Variants in RRAS2 observed in about 807,000 individuals in gnomAD.
RRAS2 encodes the protein RAS related 2.
In RRAS2, 7 loss-of-function variants were observed where a neutral mutation model predicts 27.6. The observed-to-expected ratio is 0.25, with a 90% CI of 0.14 to 0.48. RRAS2 has a LOEUF of 0.48. RRAS2 is among the 20% of genes least tolerant of loss of function. RRAS2 has a pLI of 0.99. For missense variants in RRAS2, 178 were observed against 256.2 expected (o/e 0.69, Z 2.08); for synonymous variants, 86 against 90.9 (o/e 0.95, Z 0.31).
At chr11:14,353,329 C>T (rs1429075508) in intron 1 of RRAS2, among the ~76,000 whole-genome samples, 2 of 152,100 alleles carry the variant, frequency 1.3e-5, no homozygotes, top group Non-Finnish European at 2.9e-5. Flanking sequence ...AGTGCTCCCA[C>T]TCGGCCAGGC....
chr11:14,290,519 A>G (rs1554945680), intron 4 of RRAS2, among the ~76,000 whole-genome samples: 1 of 152,196 alleles, frequency 6.6e-6, no homozygotes, highest in African/African-American at 2.4e-5. Flanking sequence ...CAATTTCAAT[A>G]GCATGCCCCC....
At chr11:14,334,674 T>A (rs527633876) in intron 1 of RRAS2, among the ~76,000 whole-genome samples, 65 of 151,852 alleles carry the variant, frequency 4.3e-4, no homozygotes, top group Non-Finnish European at 7.9e-4. Flanking sequence ...CATATAAATA[T>A]CCTTCCCACC....
At chr11:14,352,612 T>C (rs1848979275) in intron 1 of RRAS2, among the ~76,000 whole-genome samples, 1 of 151,938 alleles carries the variant, frequency 6.6e-6, no homozygotes, top group Non-Finnish European at 1.5e-5. Context: ...TCACTTTTCA[T>C]TAAGGAAGGC....
chr11:14,356,060 C>T (rs1472128812), intron 1 of RRAS2, among the ~76,000 whole-genome samples: 1 of 152,198 alleles, frequency 6.6e-6, no homozygotes, highest in African/African-American at 2.4e-5. Flanking sequence ...AATTTCACAG[C>T]TATATGTGGT....
intron 4 of RRAS2, among the ~76,000 whole-genome samples, chr11:14,290,969 G>T (rs565510216): frequency 6.6e-6 from 1 of 152,322 alleles, no homozygotes; most frequent in South Asian, 2.1e-4. Flanking sequence ...ATCTGAAATA[G>T]AACAATTGCT....
At position 14,358,534 on chromosome 11, in the gene RRAS2, A is replaced by G. The variant is rs1849132331; in HGVS notation, c.108+229T>C. 1 of 985,340 alleles carries G rather than the reference A, an allele frequency of 1.0e-6. No homozygotes were observed. Among genetic ancestry groups the G allele is most frequent in the South Asian group, 4.7e-5 (1 of 21,240 alleles). The allele number at this position is 985,340 out of a possible 1,614,324, so 61.0% of individuals were successfully genotyped here. ...CTTCCAGCTCCGCCCTCCCGACCAC[A>G]TTCCTGAGAAGCCCTACTCCCGCGA... On this transcript the variant is annotated intron_variant, in intron 1 of 5. Transcript: ENST00000256196. This position sits in a 1 kb window ranked among gnomAD's most constrained non-coding sequence, Gnocchi z 5.1.
chr11:14,297,589 G>T (rs782413264), intron 1 of RRAS2, among the ~76,000 whole-genome samples: 2 of 151,782 alleles, frequency 1.3e-5, no homozygotes, highest in Non-Finnish European at 2.9e-5. Context: ...AGGTGAGACC[G>T]CATCTCCACG....
upstream of RRAS2, among the ~76,000 whole-genome samples, chr11:14,364,001 C>T (rs1463881882): frequency 1.3e-5 from 2 of 152,234 alleles, no homozygotes; most frequent in South Asian, 2.1e-4. Context: ...ACCCGGGAGG[C>T]GGAGGTTGCA....
intron 1 of RRAS2, among the ~76,000 whole-genome samples, chr11:14,300,865 A>G (rs1224263314): frequency 1.3e-5 from 2 of 152,142 alleles, no homozygotes; most frequent in African/African-American, 4.8e-5. Context: ...TCTGACACCA[A>G]GCTATTGGTG....
intron 4 of RRAS2, among the ~76,000 whole-genome samples, chr11:14,293,502 A>C (rs184597881): frequency 6.6e-6 from 1 of 152,086 alleles, no homozygotes; most frequent in African/African-American, 2.4e-5. Flanking sequence ...TGCAGTTCCC[A>C]TAACCCCCAC....
In RRAS2 at chr11:14,326,867, C is replaced by T. The variant is rs1262783581; in HGVS notation, c.109-31012G>A. 1.1e-4 allele frequency among the ~76,000 whole-genome samples: 2 copies of T among 18,938 alleles called. 1 individual carries two copies. Among genetic ancestry groups the T allele is most frequent in the Non-Finnish European group, 4.2e-4 (2 of 4,766 alleles). The allele number at this position is 18,938 out of a possible 152,430, so 12.4% of individuals were successfully genotyped here. A position where few individuals can be genotyped will look rare whatever the true frequency, so the allele number is the denominator to read the frequency against. ...CGAGGTCAGGAGATCGAGACCATCC[C>T]GGCTAAAACGGTGAAACCCCGTCTC... is the stretch of plus-strand genomic sequence containing the variant. On this transcript the variant is annotated intron_variant, in intron 1 of 5. Transcript: ENST00000256196.
At chr11:14,339,171 T>C (rs536948116) in intron 1 of RRAS2, among the ~76,000 whole-genome samples, 63 of 149,366 alleles carry the variant, frequency 4.2e-4, no homozygotes, top group African/African-American at 1.5e-3. Context: ...CCGGGCTCAG[T>C]GGCCCACACC....
At chr11:14,340,151 T>G (rs1235551780) in intron 1 of RRAS2, among the ~76,000 whole-genome samples, 1 of 134,450 alleles carries the variant, frequency 7.4e-6, no homozygotes, top group African/African-American at 2.6e-5. Flanking sequence ...CAGGCTGGAG[T>G]GTAGTGGCGC....
chr11:14,279,311 C>T lies in RRAS2; in HGVS notation c.*26G>A, dbSNP rs201766348. On this transcript the variant is annotated 3_prime_UTR_variant, in exon 6 of 6. Transcript: ENST00000256196. ...AGAGAAGATGAGGGCTTTTCCTGGC[C>T]GTTGGTAGCTAAAACTGAAGGGATT... 4.0e-4 allele frequency: 603 copies of T among 1,514,254 alleles called. 3 individuals carry two copies. In the African/African-American group the frequency reaches 6.3e-3, roughly 16 times the overall value. 93.8% of individuals were successfully genotyped at this position (1,514,254 alleles called of 1,614,324 possible). A position where few individuals can be genotyped will look rare whatever the true frequency, so the allele number is the denominator to read the frequency against.
chr11:14,360,270 A>G (rs1213197121), upstream of RRAS2, among the ~76,000 whole-genome samples: 1 of 151,906 alleles, frequency 6.6e-6, no homozygotes, highest in Non-Finnish European at 1.5e-5. Flanking sequence ...TAAGTGAGAC[A>G]TCTTGGACAC....
intron 1 of RRAS2, among the ~76,000 whole-genome samples, chr11:14,352,616 G>GA (rs1848979382): frequency 6.6e-6 from 1 of 151,734 alleles, no homozygotes; most frequent in Non-Finnish European, 1.5e-5. Flanking sequence ...TTTTCATTAA[G>GA]GAAGGCACGG....
intron 1 of RRAS2, among the ~76,000 whole-genome samples, chr11:14,315,685 T>C (rs1294143746): frequency 6.6e-6 from 1 of 152,214 alleles, no homozygotes; most frequent in Non-Finnish European, 1.5e-5. Flanking sequence ...GGGAAGTTCC[T>C]ATACTATCTT....
intron 1 of RRAS2, among the ~76,000 whole-genome samples, chr11:14,329,813 T>TA (rs1465642807): frequency 2.0e-5 from 3 of 152,234 alleles, no homozygotes; most frequent in Admixed American, 2.0e-4. Flanking sequence ...CCCATGCCTG[T>TA]AATCCCTGCA....
At chr11:14,349,027 G>A (rs190605544) in intron 1 of RRAS2, among the ~76,000 whole-genome samples, 44 of 152,198 alleles carry the variant, frequency 2.9e-4, no homozygotes, top group African/African-American at 9.4e-4. Flanking sequence ...GTGCAGTGGC[G>A]CGATCTCGGC....
Sources: allele counts gnomAD v4.1 joint callset (sites outside exome capture counted in the v4.1 genomes callset), GRCh38; gene constraint gnomAD v4.1.1; non-coding constraint Gnocchi (gnomAD v3.1); transcripts MANE v1.5; gene names NCBI Gene and HGNC (gene_info 2026-07-23, HGNC 2026-07-21).